Variants in TNFRSF8 observed in about 807,000 individuals in gnomAD.
The protein encoded by TNFRSF8 is TNF receptor superfamily member 8, also known as tumor necrosis factor receptor superfamily member 8.
In TNFRSF8, 26 loss-of-function variants were observed where a neutral mutation model predicts 70.8. That is an observed-to-expected ratio of 0.37 (90% confidence interval 0.27 to 0.51). The LOEUF (loss-of-function observed/expected upper bound fraction) is 0.51. Ranked by LOEUF, TNFRSF8 falls within the 20% of genes least tolerant of loss-of-function variation. The pLI, the probability that TNFRSF8 is intolerant of heterozygous loss-of-function variation, is 0.94. For missense variants in TNFRSF8, 720 were observed against 807.9 expected, an observed-to-expected ratio of 0.89 and a Z score of 1.32; for synonymous variants, 356 against 339.2, an observed-to-expected ratio of 1.05 and a Z score of -0.54.
At chr1:12,129,215 C>T (rs1162774488) in intron 12 of TNFRSF8, among the ~76,000 whole-genome samples, 1 of 152,050 alleles carries the variant, frequency 6.6e-6, no homozygotes. Context: ...GAAAGAAATT[C>T]TTTTTTTGTT....
intron 3 of TNFRSF8, among the ~76,000 whole-genome samples, chr1:12,103,148 G>T (rs923656461): frequency 6.6e-6 from 1 of 151,972 alleles, no homozygotes; most frequent in African/African-American, 2.4e-5. Context: ...TGGATCACCT[G>T]AGGTCAGGAG....
chr1:12,071,633 G>A (rs1002933561), intron 1 of TNFRSF8, among the ~76,000 whole-genome samples: 3 of 150,594 alleles, frequency 2.0e-5, no homozygotes, highest in Non-Finnish European at 3.0e-5. Context: ...TCGATCTCTC[G>A]GCTCACTGCA....
chr1:12,079,064 G>A (rs1170398118), intron 1 of TNFRSF8, among the ~76,000 whole-genome samples: 2 of 152,158 alleles, frequency 1.3e-5, no homozygotes, highest in African/African-American at 4.8e-5. Context: ...GCCCTGCTCA[G>A]CTCTGGCCCC....
intron 12 of TNFRSF8, among the ~76,000 whole-genome samples, chr1:12,134,221 G>T (rs1005173789): frequency 6.6e-6 from 1 of 152,208 alleles, no homozygotes; most frequent in African/African-American, 2.4e-5. Flanking sequence ...GATGTGTGCA[G>T]GAGGCGGCGT....
In TNFRSF8 at chr1:12,123,323, T is replaced by C; in HGVS notation, c.986T>C (p.Leu329Pro). ...EKDTTFEAPP[L>P]GTQPDCNPTP... ...GACACCACCTTTGAGGCGCCACCCC[T>C]GGGGACCCAGCCGGACTGCAACCCC... The change falls in exon 9 of 15, where the codon CTG becomes CCG. Residue 329 changes from leucine to proline, a missense_variant. By Grantham distance (98) the Leu-to-Pro change is moderately conservative. Coordinates refer to ENST00000263932, the MANE Select transcript of TNFRSF8 (RefSeq NM_001243.5). 6.2e-7 allele frequency: 1 copy of C among 1,613,348 alleles called. No homozygotes were observed. Among genetic ancestry groups the C allele is most frequent in the Non-Finnish European group, 8.5e-7 (1 of 1,179,794 alleles).
intron 2 of TNFRSF8, among the ~76,000 whole-genome samples, chr1:12,093,338 C>T (rs1339354803): frequency 6.6e-6 from 1 of 152,124 alleles, no homozygotes; most frequent in African/African-American, 2.4e-5. Flanking sequence ...CCCAGACTGG[C>T]TGTAGTAGAG....
Position 12,111,975 on chromosome 1 carries a change from G to A in TNFRSF8, c.754G>A (p.Glu252Lys), listed in dbSNP as rs377149878. The A allele has an allele frequency of 1.5e-4, 244 of 1,614,214 alleles. 1 individual carries two copies. The highest frequency in any genetic ancestry group is 1.3e-3 in the Middle Eastern group (8 of 6,060). The change falls in exon 7 of 15, where the codon GAG (glutamate) becomes AAG (lysine). Residue 252 changes from glutamate (E) to lysine (K), a missense_variant. Glu to Lys is a moderately conservative substitution (Grantham distance 56). Transcript: ENST00000263932. ...KQCEPDYYLD[E>K]AGRCTACVSC... ...GTGTGAGCCCGACTACTACCTGGAC[G>A]AGGCCGGCCGCTGCACGGCCTGCGT... is the stretch of plus-strand genomic sequence containing the variant.
At chr1:12,099,640 C>T (rs1417311602) in intron 3 of TNFRSF8, among the ~76,000 whole-genome samples, 1 of 151,776 alleles carries the variant, frequency 6.6e-6, no homozygotes. Flanking sequence ...TGCTTATTGA[C>T]AGGAATACAT....
At chr1:12,130,854 AT>A (rs1219191299) in intron 12 of TNFRSF8, among the ~76,000 whole-genome samples, 1 of 152,234 alleles carries the variant, frequency 6.6e-6, no homozygotes, top group Non-Finnish European at 1.5e-5. Flanking sequence ...TAGAATCAAC[AT>A]TTTTAGGGGA....
intron 1 of TNFRSF8, among the ~76,000 whole-genome samples, chr1:12,081,739 A>C (rs1223714436): frequency 1.1e-4 from 17 of 151,808 alleles, no homozygotes; most frequent in Admixed American, 1.1e-3. Context: ...CTTCCTGAAC[A>C]TGCCGGAAGC....
At chr1:12,133,180 G>A (rs549323751) in intron 12 of TNFRSF8, among the ~76,000 whole-genome samples, 2 of 152,200 alleles carry the variant, frequency 1.3e-5, no homozygotes, top group Non-Finnish European at 2.9e-5. Context: ...TGGGTAAAGA[G>A]TGTGAGGTTT....
chr1:12,073,703 C>T (rs1640888877), intron 1 of TNFRSF8, among the ~76,000 whole-genome samples: 2 of 151,276 alleles, frequency 1.3e-5, no homozygotes, highest in Admixed American at 1.3e-4. Flanking sequence ...AAACGATTCT[C>T]CTGCCTCAGG....
intron 8 of TNFRSF8, among the ~76,000 whole-genome samples, chr1:12,121,285 A>G (rs947427552): frequency 3.3e-5 from 5 of 152,224 alleles, no homozygotes; most frequent in African/African-American, 1.2e-4. Context: ...CAATGCAAGA[A>G]ATAAATTAAT....
chr1:12,082,882 C>T (rs534264997), intron 1 of TNFRSF8, among the ~76,000 whole-genome samples: 254 of 151,832 alleles, frequency 1.7e-3, no homozygotes, highest in African/African-American at 5.9e-3. Context: ...CCAGAGGATG[C>T]GAGAAGATAC....
chr1:12,128,833 C>CTTTTTTTTTTTTT (rs60878706), intron 12 of TNFRSF8, among the ~76,000 whole-genome samples: 1 of 111,776 alleles, frequency 8.9e-6, no homozygotes, highest in Non-Finnish European at 1.7e-5. Context: ...GTCTAAAATT[C>CTTTTTTTTTTTTT]TTTTTTTTTT....
chr1:12,102,799 T>C (rs1180777115), intron 3 of TNFRSF8, among the ~76,000 whole-genome samples: 1 of 152,204 alleles, frequency 6.6e-6, no homozygotes, highest in East Asian at 1.9e-4. Context: ...GTGCTGGGAT[T>C]ACAAGTGTGA....
chr1:12,090,296 C>A (rs1323573478), intron 2 of TNFRSF8, among the ~76,000 whole-genome samples: 1 of 151,272 alleles, frequency 6.6e-6, no homozygotes. Context: ...CCTAACCCAT[C>A]CATCTATCCA....
chr1:12,081,115 C>A (rs1641055489), intron 1 of TNFRSF8, among the ~76,000 whole-genome samples: 1 of 152,158 alleles, frequency 6.6e-6, no homozygotes, highest in African/African-American at 2.4e-5. Context: ...ATGTGCAATA[C>A]CATGGGCTCC....
chr1:12,134,276 A>T (rs1642105716), intron 12 of TNFRSF8, among the ~76,000 whole-genome samples: 1 of 152,018 alleles, frequency 6.6e-6, no homozygotes, highest in South Asian at 2.1e-4. Context: ...CTAGCCAGGG[A>T]TGTGTGCCTG....
Sources: gnomAD v4.1 joint callset for allele counts (sites outside exome capture counted in the v4.1 genomes callset) on GRCh38, gnomAD v4.1.1 for gene constraint, MANE v1.5 for transcripts, NCBI Gene and HGNC (gene_info 2026-07-23, HGNC 2026-07-21) for gene names.